CROCC: variants seen among roughly 807,000 people sequenced by gnomAD.
The protein encoded by CROCC is rootletin.
A neutral mutation model predicts 245.2 loss-of-function variants in CROCC; 180 were observed. The observed-to-expected ratio is 0.73, with a 90% CI of 0.65 to 0.83. The LOEUF is 0.83. Among genes scored for constraint, CROCC ranks in the 40% least tolerant of loss-of-function variants. The pLI, the probability that CROCC is intolerant of heterozygous loss-of-function variation, is 0.00. For synonymous variants in CROCC, 1,205 were observed against 1,241.6 expected (o/e 0.97, Z 0.62); for missense variants, 2,688 against 2,779.4 (o/e 0.97, Z 0.74).
chr1:16,924,383 G>A lies in CROCC; in HGVS notation c.255G>A (p.Leu85=). 1.2e-6 allele frequency: 2 copies of A among 1,613,308 alleles called. No homozygotes were observed. Among genetic ancestry groups the A allele is most frequent in the East Asian group, 2.2e-5 (1 of 44,886 alleles). ...TGTCGCTGCAGGAGGAGAACCAGCTGCTGCAGCAGGAGCTGTCCCGCGTGG... is the reference window on the plus strand; with the variant it reads ...TGTCGCTGCAGGAGGAGAACCAGCTACTGCAGCAGGAGCTGTCCCGCGTGG... ...SLLSLQEENQ[L]LQQELSRVED... The change falls in exon 3 of 37, where the codon CTG becomes CTA. Residue 85 remains leucine, a synonymous_variant. Transcript: ENST00000375541.
Position 16,950,935 on chromosome 1 carries a change from C to T in CROCC, c.2837-18C>T. 1 of 1,510,372 alleles carries T rather than the reference C, an allele frequency of 6.6e-7. No homozygotes were observed. Among genetic ancestry groups the T allele is most frequent in the Non-Finnish European group, 8.9e-7 (1 of 1,127,024 alleles). 93.6% of individuals were successfully genotyped at this position (1,510,372 alleles called of 1,614,324 possible). A position where few individuals can be genotyped will look rare whatever the true frequency, so the allele number is the denominator to read the frequency against. ...GTTTCAACCCAACCCTGCCCTTTCC[C>T]CCATTCCTCTCGTGCAGGGGAGTTG... On this transcript the variant is annotated intron_variant, in intron 19 of 36. Transcript: ENST00000375541.
chr1:16,939,718 T>C (rs1557601640), intron 12 of CROCC, among the ~76,000 whole-genome samples, 176 bp from the exon 13 acceptor site: 4 of 152,028 alleles, frequency 2.6e-5, no homozygotes, highest in South Asian at 2.1e-4. Flanking sequence ...CGAGGGCACA[T>C]AGGAGGGGAG....
intron 13 of CROCC, among the ~76,000 whole-genome samples, chr1:16,942,041 T>C (rs567031779): frequency 3.3e-5 from 5 of 152,318 alleles, no homozygotes; most frequent in Non-Finnish European, 7.3e-5. Context: ...GACAGGGTCT[T>C]GTTATGTCAC....
intron 3 of CROCC, among the ~76,000 whole-genome samples, chr1:16,924,985 GA>G (rs1357903285): frequency 1.3e-5 from 2 of 152,298 alleles, no homozygotes; most frequent in African/African-American, 4.8e-5. Flanking sequence ...GGGAAGGAAG[GA>G]GAAGCAGGCC....
chr1:16,943,074 C>G (rs2075966638), intron 13 of CROCC, among the ~76,000 whole-genome samples: 1 of 152,072 alleles, frequency 6.6e-6, no homozygotes, highest in South Asian at 2.1e-4. Context: ...GAAACCCTGT[C>G]TCTACTAAAA....
intron 8 of CROCC, among the ~76,000 whole-genome samples, chr1:16,932,896 T>C (rs898987907): frequency 3.3e-5 from 5 of 152,418 alleles, no homozygotes; most frequent in Non-Finnish European, 7.3e-5. Context: ...CACTACAGCC[T>C]CAGCCTCCTC....
At chr1:16,940,761 C>G in intron 13 of CROCC, 1 of 273,576 alleles carries the variant, frequency 3.7e-6, no homozygotes, top group East Asian at 1.3e-4. Flanking sequence ...CACTCTTGCT[C>G]TGTTTCCCAG....
chr1:16,961,807 T>C (rs1188738356), intron 27 of CROCC, among the ~76,000 whole-genome samples: 1 of 152,090 alleles, frequency 6.6e-6, no homozygotes, highest in African/African-American at 2.4e-5. Flanking sequence ...AGATGGGGTT[T>C]TGCCATATTG....
Position 16,936,845 on chromosome 1 carries a change from G to C in CROCC, c.1165G>C (p.Asp389His). The C allele has an allele frequency of 6.2e-7, 1 of 1,612,240 alleles. No individual in the cohort carries two copies. Among genetic ancestry groups the C allele is most frequent in the Non-Finnish European group, 8.5e-7 (1 of 1,179,756 alleles). Reference sequence around the variant, plus strand: ...CCTGGCGCAGCAGCAGATGCAAAGCGACCTGGACAAGGCTGACCTCAGTGC... The same window carrying C: ...CCTGGCGCAGCAGCAGATGCAAAGCCACCTGGACAAGGCTGACCTCAGTGC... ...KDLAQQQMQS[D>H]LDKADLSARV... The change falls in exon 9 of 37, where the codon GAC (aspartate) becomes CAC (histidine). Residue 389 changes from aspartate to histidine, a missense_variant. This residue lies in a region of CROCC where 972 missense variants were observed against 895.3 expected (regional missense o/e 1.09). Transcript: ENST00000375541.
Position 16,938,996 on chromosome 1 carries a change from T to C in CROCC, c.1462T>C (p.Ser488Pro), listed in dbSNP as rs1310757072. 3 of 1,604,382 alleles carry C rather than the reference T, an allele frequency of 1.9e-6. No homozygotes were observed. The highest frequency in any genetic ancestry group is 4.5e-5 in the East Asian group (2 of 44,560). ...DASNGSLRGL[S>P]GQRTPSPPRR... ...TTCCAACGGCAGCCTGCGGGGGCTC[T>C]CGGGCCAGCGGACCCCGTCCCCACC... The change falls in exon 12 of 37, where the codon TCG becomes CCG. Residue 488 changes from serine (S) to proline (P), a missense_variant. This residue lies in a region of CROCC where 972 missense variants were observed against 895.3 expected (regional missense o/e 1.09). Transcript: ENST00000375541.
intron 20 of CROCC, 47 bp downstream of exon 20, chr1:16,951,169 C>T: frequency 7.1e-7 from 1 of 1,404,454 alleles, no homozygotes; most frequent in Non-Finnish European, 9.4e-7. Flanking sequence ...GCCAGTGTTT[C>T]ATCATCGTTC....
At chr1:16,948,593 C>T (rs1391553089) in intron 18 of CROCC, 69 bp downstream of exon 18, 91 of 1,473,278 alleles carry the variant, frequency 6.2e-5, no homozygotes, top group East Asian at 4.7e-4. Flanking sequence ...ACCAGCCACA[C>T]GCAGGCACGG....
chr1:16,947,283 C>T (rs1322357739), intron 17 of CROCC, among the ~76,000 whole-genome samples: 3 of 152,254 alleles, frequency 2.0e-5, no homozygotes, highest in African/African-American at 7.2e-5. Context: ...TCAAGACCAT[C>T]CTGGCTAACA....
intron 19 of CROCC, among the ~76,000 whole-genome samples, chr1:16,950,188 C>T (rs572201515): frequency 1.3e-5 from 2 of 151,698 alleles, no homozygotes; most frequent in East Asian, 3.9e-4. Flanking sequence ...CTCAGCCTCC[C>T]AAGTAGCTGG....
At chr1:16,928,728 G>A (rs374623675) in intron 3 of CROCC, among the ~76,000 whole-genome samples, 9 of 151,982 alleles carry the variant, frequency 5.9e-5, no homozygotes, top group South Asian at 4.2e-4. Flanking sequence ...ATTTGAACCC[G>A]GGAGGTGTAG....
intron 19 of CROCC, 34 bp from the exon 20 acceptor site, chr1:16,950,919 C>G: frequency 1.4e-6 from 2 of 1,473,144 alleles, no homozygotes; most frequent in Non-Finnish European, 1.8e-6. Flanking sequence ...AGTTTCAACC[C>G]AACCCTGCCC....
intron 30 of CROCC, 152 bp from the exon 31 acceptor site, chr1:16,968,051 C>A: frequency 1.4e-6 from 1 of 695,444 alleles, no homozygotes; most frequent in East Asian, 2.7e-5. Context: ...CATGGGGAGA[C>A]CGAGGACCCC....
At chr1:16,960,154 C>G (rs1279944694) in intron 26 of CROCC, among the ~76,000 whole-genome samples, 1 of 152,104 alleles carries the variant, frequency 6.6e-6, no homozygotes, top group Non-Finnish European at 1.5e-5. Context: ...GTAATCCCAG[C>G]TACTCGGAGG....
intron 19 of CROCC, 30 bp from the exon 20 acceptor site, chr1:16,950,923 C>T: frequency 6.7e-7 from 1 of 1,490,330 alleles, no homozygotes; most frequent in Non-Finnish European, 9.0e-7. Context: ...TCAACCCAAC[C>T]CTGCCCTTTC....
Sources: gnomAD v4.1 joint callset for allele counts (sites outside exome capture counted in the v4.1 genomes callset) on GRCh38, gnomAD v4.1.1 for gene constraint, gnomAD v4.1.1 regional missense constraint, MANE v1.5 for transcripts, NCBI Gene and HGNC (gene_info 2026-07-23, HGNC 2026-07-21) for gene names.